FAM135A: variants seen among roughly 807,000 people sequenced by gnomAD.
FAM135A encodes the protein protein FAM135A.
FAM135A carries 79 observed loss-of-function variants against 146.8 expected under a neutral mutation model. The ratio of observed to expected loss-of-function variants is 0.54; its 90% CI spans 0.45 to 0.65. The LOEUF is 0.65. FAM135A is among the 30% of genes least tolerant of loss of function. The pLI is 0.00. For synonymous variants in FAM135A, 562 were observed against 603.6 expected (o/e 0.93, Z 1.01); for missense variants, 1,623 against 1,758.2 (o/e 0.92, Z 1.38).
intron 10 of FAM135A, among the ~76,000 whole-genome samples, chr6:70,484,107 C>T (rs1784204991): frequency 1.3e-5 from 2 of 152,196 alleles, no homozygotes; most frequent in African/African-American, 4.8e-5. Context: ...CCTCCTGTGT[C>T]AGTTACTGTG....
intron 5 of FAM135A, among the ~76,000 whole-genome samples, chr6:70,464,253 C>A (rs541465877): frequency 6.6e-6 from 1 of 152,296 alleles, no homozygotes; most frequent in South Asian, 2.1e-4. Flanking sequence ...TATCTCAAGT[C>A]TTTAAAACTA....
At chr6:70,495,164 T>A (rs1318727551) in intron 11 of FAM135A, among the ~76,000 whole-genome samples, 2 of 152,230 alleles carry the variant, frequency 1.3e-5, no homozygotes, top group Non-Finnish European at 2.9e-5. Context: ...TCATTATGTC[T>A]TGACTGTTAG....
chr6:70,486,596 T>C (rs1784705723), intron 10 of FAM135A, among the ~76,000 whole-genome samples: 1 of 152,192 alleles, frequency 6.6e-6, no homozygotes, highest in South Asian at 2.1e-4. Context: ...TCAGTTATTT[T>C]ATCTTTGGCT....
At chr6:70,481,148 A>C in intron 9 of FAM135A, 121 bp downstream of exon 9, 1 of 886,372 alleles carries the variant, frequency 1.1e-6, no homozygotes. Context: ...TTATAGATCT[A>C]ATTAAATATG....
Position 70,413,634 on chromosome 6 carries a change from G to A in FAM135A, c.-288G>A. The A allele has an allele frequency of 4.4e-6, 1 of 226,394 alleles. No individual in the cohort carries two copies. Among genetic ancestry groups the A allele is most frequent in the East Asian group, 1.8e-4 (1 of 5,492 alleles). The allele number at this position is 226,394 out of a possible 1,614,324, so 14.0% of individuals were successfully genotyped here. A position where few individuals can be genotyped will look rare whatever the true frequency, so the allele number is the denominator to read the frequency against. The stretch of plus-strand genomic sequence containing the variant: ...GGATGGTGCTGACCCGGGTCGGGCC[G>A]TCTTCTTGCAGCTGGACAACGAGCT... On this transcript the variant is annotated 5_prime_UTR_variant, in exon 1 of 22. Coordinates refer to ENST00000418814, the MANE Select transcript of FAM135A (RefSeq NM_001162529.3).
intron 11 of FAM135A, among the ~76,000 whole-genome samples, chr6:70,495,140 C>T (rs958514516): frequency 2.6e-5 from 4 of 152,260 alleles, no homozygotes; most frequent in Admixed American, 6.5e-5. Context: ...CATCATATGT[C>T]GATGAATATT....
chr6:70,414,677 A>C, intron 1 of FAM135A, among the ~76,000 whole-genome samples: 1 of 152,238 alleles, frequency 6.6e-6, no homozygotes, highest in Non-Finnish European at 1.5e-5. Flanking sequence ...TTCCAGTTTA[A>C]TAACATTTCT....
At chr6:70,536,211 T>C in intron 18 of FAM135A, 49 bp from the exon 19 acceptor site, 1 of 1,521,796 alleles carries the variant, frequency 6.6e-7, no homozygotes, top group Non-Finnish European at 8.8e-7. Context: ...TTGATTTTTG[T>C]TTCTAAAACT....
intron 4 of FAM135A, among the ~76,000 whole-genome samples, chr6:70,436,184 C>CAAA (rs34761222): frequency 3.1e-5 from 2 of 64,030 alleles, no homozygotes; most frequent in African/African-American, 6.4e-5. Context: ...GATTCTGTCT[C>CAAA]AAAAAAAAAA....
chr6:70,441,019 C>T (rs191870325), intron 4 of FAM135A, among the ~76,000 whole-genome samples: 25 of 152,188 alleles, frequency 1.6e-4, no homozygotes, highest in African/African-American at 4.8e-4. Flanking sequence ...TTGTTGTTGC[C>T]GTAGCATATT....
In FAM135A at chr6:70,525,977, A is replaced by G. The variant is rs189220440; in HGVS notation, c.2893A>G (p.Ile965Val). The G allele has an allele frequency of 1.3e-4, 210 of 1,613,236 alleles. 1 individual carries two copies. The East Asian group carries it at 4.4e-3, about 34-fold the overall frequency. ...ATCTAATAACTCTACAGGGACAGCAATTACATTAAATTCAAAACTGATTTG... is the reference window on the plus strand; with the variant it reads ...ATCTAATAACTCTACAGGGACAGCAGTTACATTAAATTCAAAACTGATTTG... Reference protein sequence around the residue: ...DKSNNSTGTAITLNSKLICLG... With the variant: ...DKSNNSTGTAVTLNSKLICLG... Residue 965 changes from isoleucine (I) to valine (V), a missense_variant, in exon 15 of 22, where the codon ATT becomes GTT. Coordinates refer to ENST00000418814, the MANE Select transcript of FAM135A (RefSeq NM_001162529.3).
Position 70,536,315 on chromosome 6 carries a change from A to C in FAM135A, c.4021A>C (p.Arg1341=), listed in dbSNP as rs1458342426. 6.2e-7 allele frequency: 1 copy of C among 1,613,404 alleles called. No homozygotes were observed. Among genetic ancestry groups the C allele is most frequent in the Admixed American group, 1.7e-5 (1 of 59,930 alleles). Residue 1341 remains arginine, a synonymous_variant, in exon 19 of 22, where the codon AGG becomes CGG. Coordinates refer to ENST00000418814, the MANE Select transcript of FAM135A (RefSeq NM_001162529.3). ...LIIRSVLTRP[R]FKYYLNKLHT... ...AATTCGTTCAGTGCTTACAAGGCCA[A>C]GGTTTAAATATTACCTCAACAAACT... is the stretch of plus-strand genomic sequence containing the variant.
At chr6:70,552,963 AT>A (rs1257021349) in intron 20 of FAM135A, among the ~76,000 whole-genome samples, 1 of 151,892 alleles carries the variant, frequency 6.6e-6, no homozygotes, top group Non-Finnish European at 1.5e-5. Flanking sequence ...CATATTTTTA[AT>A]TTTTTTTAAC....
chr6:70,464,660 TTTTTTTC>T (rs900673200), intron 5 of FAM135A, among the ~76,000 whole-genome samples: 15 of 107,192 alleles, frequency 1.4e-4, no homozygotes, highest in South Asian at 8.2e-4. Context: ...CTTTCTTTCT[TTTTTTTC>T]TTTTTTTTTT....
chr6:70,471,347 G>T (rs969695302), intron 5 of FAM135A, among the ~76,000 whole-genome samples: 1 of 152,152 alleles, frequency 6.6e-6, no homozygotes, highest in Non-Finnish European at 1.5e-5. Flanking sequence ...AAGGAGTAGG[G>T]TTCATGGAAT....
chr6:70,533,969 A>G, intron 18 of FAM135A, 115 bp downstream of exon 18: 1 of 458,486 alleles, frequency 2.2e-6, no homozygotes, highest in Non-Finnish European at 3.6e-6. Context: ...TACAACTCAA[A>G]TTAATTTATA....
chr6:70,477,469 C>T, intron 8 of FAM135A, 137 bp downstream of exon 8: 4 of 915,028 alleles, frequency 4.4e-6, no homozygotes, highest in Non-Finnish European at 3.1e-6. Context: ...ATGATGCTGG[C>T]ATCTGCTTAA....
At chr6:70,482,222 ATC>A in intron 10 of FAM135A, 68 bp downstream of exon 10, 1 of 1,490,704 alleles carries the variant, frequency 6.7e-7, no homozygotes, top group Non-Finnish European at 9.0e-7. Flanking sequence ...ATTGCTAGCT[ATC>A]AGCTTTGCCA....
chr6:70,544,519 A>G (rs1798493561), intron 20 of FAM135A, among the ~76,000 whole-genome samples: 1 of 151,532 alleles, frequency 6.6e-6, no homozygotes, highest in Non-Finnish European at 1.5e-5. Flanking sequence ...CAAGAGCAAA[A>G]CTCCATCCCA....
Sources: allele counts gnomAD v4.1 joint callset (sites outside exome capture counted in the v4.1 genomes callset), GRCh38; gene constraint gnomAD v4.1.1; transcripts MANE v1.5; gene names NCBI Gene and HGNC (gene_info 2026-07-23, HGNC 2026-07-21).